PTK2: variants seen among roughly 807,000 people sequenced by gnomAD.
PTK2 encodes the protein protein tyrosine kinase 2.
Under a neutral mutation model 150.1 loss-of-function variants are expected in PTK2, and 45 were observed. That is an observed-to-expected ratio of 0.30 (90% CI 0.24 to 0.38). PTK2 has a LOEUF of 0.38. PTK2 is among the 10% of genes least tolerant of loss of function. The pLI, the probability that PTK2 is intolerant of heterozygous loss-of-function variation, is 1.00. For missense variants in PTK2, 919 were observed against 1,307.3 expected (o/e 0.70, Z 4.58); for synonymous variants, 432 against 449.2 (o/e 0.96, Z 0.48).
chr8:140,669,784 A>C, intron 29 of PTK2, 49 bp from the exon 33 acceptor site: 1 of 1,500,476 alleles, frequency 6.7e-7, no homozygotes, highest in Non-Finnish European at 9.0e-7. Context: ...TTATCAGAGA[A>C]AGGGAAAAAA....
intron 1 of PTK2, among the ~76,000 whole-genome samples, chr8:140,931,501 G>A (rs920817431): frequency 1.3e-5 from 2 of 152,158 alleles, no homozygotes; most frequent in South Asian, 2.1e-4. Flanking sequence ...AGGAGGCTGA[G>A]GCTGCAATGA....
At chr8:140,947,749 G>C (rs2100178183) in intron 1 of PTK2, among the ~76,000 whole-genome samples, 1 of 152,146 alleles carries the variant, frequency 6.6e-6, no homozygotes, top group Non-Finnish European at 1.5e-5. Flanking sequence ...CAAAACTCAA[G>C]TGAATCTTGA....
chr8:140,702,535 A>T, intron 25 of PTK2, 35 bp downstream of exon 28: 1 of 1,608,288 alleles, frequency 6.2e-7, no homozygotes, highest in Non-Finnish European at 8.5e-7. Context: ...ATGCTTTATA[A>T]GTTAACAAAC....
At chr8:140,913,035 AG>A (rs1317331053) in intron 2 of PTK2, among the ~76,000 whole-genome samples, 3 of 152,184 alleles carry the variant, frequency 2.0e-5, no homozygotes, top group Non-Finnish European at 2.9e-5. Context: ...GTTCTCCCTA[AG>A]GGGGAAAAAA....
intron 16 of PTK2, among the ~76,000 whole-genome samples, chr8:140,756,867 T>C (rs1047665798): frequency 7.3e-5 from 11 of 151,346 alleles, no homozygotes; most frequent in African/African-American, 1.9e-4. Context: ...TGGGCGCTTG[T>C]AGTCCCAGCT....
At chr8:140,694,574 G>A (rs1221062369) in intron 26 of PTK2, among the ~76,000 whole-genome samples, 1 of 152,132 alleles carries the variant, frequency 6.6e-6, no homozygotes, top group Non-Finnish European at 1.5e-5. Flanking sequence ...AAAGACTTCT[G>A]ACACACAGCT....
At chr8:140,830,815 C>T (rs1014185305) in intron 7 of PTK2, among the ~76,000 whole-genome samples, 1 of 152,068 alleles carries the variant, frequency 6.6e-6, no homozygotes, top group Non-Finnish European at 1.5e-5. Flanking sequence ...AATATTCCCT[C>T]TTTGTAAATT....
At chr8:140,901,982 T>A (rs1204769973) in intron 2 of PTK2, among the ~76,000 whole-genome samples, 1 of 151,978 alleles carries the variant, frequency 6.6e-6, no homozygotes, top group Non-Finnish European at 1.5e-5. Context: ...GCAAAGGACA[T>A]CAACTCATCC....
intron 3 of PTK2, among the ~76,000 whole-genome samples, chr8:140,889,795 G>A (rs1348530028): frequency 1.3e-5 from 2 of 152,182 alleles, no homozygotes; most frequent in Admixed American, 1.3e-4. Flanking sequence ...ACTGAACTCA[G>A]CTTTCTGAAA....
intron 3 of PTK2, among the ~76,000 whole-genome samples, chr8:140,880,751 T>A (rs905930293): frequency 6.6e-6 from 1 of 152,100 alleles, no homozygotes; most frequent in African/African-American, 2.4e-5. Context: ...TCCCCAGCCT[T>A]CTCCATAAGC....
intron 27 of PTK2, among the ~76,000 whole-genome samples, chr8:140,680,190 A>C (rs2100016220): frequency 6.6e-6 from 1 of 152,070 alleles, no homozygotes; most frequent in South Asian, 2.1e-4. Flanking sequence ...GCAAACTGAG[A>C]TCTTAGTTGG....
At chr8:140,824,089 T>C (rs2100110476) in intron 8 of PTK2, among the ~76,000 whole-genome samples, 1 of 152,198 alleles carries the variant, frequency 6.6e-6, no homozygotes. Flanking sequence ...AGTGAGTCAA[T>C]TTGGTTTGAT....
chr8:140,859,641 G>T (rs2100134862), intron 5 of PTK2, among the ~76,000 whole-genome samples: 1 of 152,174 alleles, frequency 6.6e-6, no homozygotes, highest in Non-Finnish European at 1.5e-5. Context: ...ACACTTCAGT[G>T]AAGGTTCTCA....
chr8:140,800,049 T>C (rs2100094019), intron 12 of PTK2, among the ~76,000 whole-genome samples: 1 of 152,228 alleles, frequency 6.6e-6, no homozygotes, highest in Non-Finnish European at 1.5e-5. Context: ...CTTCTTTGAA[T>C]GCTCTAAGCT....
rs112279021 is a variant in PTK2, at chr8:140,869,621, A to G, written c.363-5222T>C. The stretch of plus-strand genomic sequence containing the variant: ...AAAAATGATTATGACAAAAGTCAGG[A>G]TATCAGTTACCTCCGGAAGCAAAGA... On this transcript the variant is annotated intron_variant, in intron 4 of 31. Transcript: ENST00000522684. Among the ~76,000 whole-genome samples, 643 of 152,278 alleles carry G rather than the reference A, an allele frequency of 4.2e-3. 9 individuals are homozygous for G. Among genetic ancestry groups the G allele is most frequent in the African/African-American group, 0.015 (609 of 41,552 alleles).
chr8:140,678,083 G>C (rs2100014899), intron 27 of PTK2, among the ~76,000 whole-genome samples: 1 of 152,228 alleles, frequency 6.6e-6, no homozygotes, highest in Admixed American at 6.5e-5. Context: ...GTCTCACTCT[G>C]TCGCCCAGGC....
chr8:140,701,021 T>C (rs2100030086), exon 26 of PTK2: 1 of 1,613,308 alleles, frequency 6.2e-7, no homozygotes, highest in Non-Finnish European at 8.5e-7. Flanking sequence ...TACTGTAGAG[T>C]CCTGGAAGAA....
At chr8:140,850,888 T>C (rs939336153) in intron 5 of PTK2, among the ~76,000 whole-genome samples, 3 of 152,252 alleles carry the variant, frequency 2.0e-5, no homozygotes, top group African/African-American at 4.8e-5. Flanking sequence ...ACAGAAAATA[T>C]TGATGCTAAA....
intron 7 of PTK2, among the ~76,000 whole-genome samples, chr8:140,845,905 A>G (rs9969575): frequency 1.3e-5 from 2 of 152,152 alleles, no homozygotes; most frequent in African/African-American, 2.4e-5. Flanking sequence ...CCGTATCTCT[A>G]TTTGTGCAAA....
Sources: gnomAD v4.1 joint callset for allele counts (sites outside exome capture counted in the v4.1 genomes callset) on GRCh38, gnomAD v4.1.1 for gene constraint, MANE v1.5 for transcripts, NCBI Gene and HGNC (gene_info 2026-07-23, HGNC 2026-07-21) for gene names.